GABRB1: variants seen among roughly 807,000 people sequenced by gnomAD.
GABRB1 encodes gamma-aminobutyric acid type A receptor subunit beta1.
In GABRB1, 17 loss-of-function variants were observed where a neutral mutation model predicts 51.6. The observed-to-expected ratio is 0.33, with a 90% CI of 0.23 to 0.49. GABRB1 has a LOEUF of 0.49. Ranked by LOEUF, GABRB1 falls within the 20% of genes least tolerant of loss-of-function variation. GABRB1 has a pLI of 0.99. For missense variants in GABRB1, 410 were observed against 600.6 expected (o/e 0.68, Z 3.32); for synonymous variants, 247 against 218.9 (o/e 1.13, Z -1.14).
chr4:47,145,820 A>C (rs543246817), intron 3 of GABRB1, among the ~76,000 whole-genome samples: 3 of 152,076 alleles, frequency 2.0e-5, no homozygotes, highest in Non-Finnish European at 4.4e-5. Context: ...AGGCTGACTC[A>C]TTCATAGATA....
intron 3 of GABRB1, among the ~76,000 whole-genome samples, chr4:47,155,754 A>G (rs1239385282): frequency 6.6e-6 from 1 of 151,712 alleles, no homozygotes; most frequent in Non-Finnish European, 1.5e-5. Context: ...TTCTTATGGT[A>G]AAATAGCAAA....
At chr4:47,320,763 C>CTTTTTTTTTTT (rs1264288318) in intron 5 of GABRB1, among the ~76,000 whole-genome samples, 1 of 113,314 alleles carries the variant, frequency 8.8e-6, no homozygotes, top group African/African-American at 3.1e-5. Flanking sequence ...GTTTTCTTTT[C>CTTTTTTTTTTT]TTTTTTCTTT....
chr4:47,150,864 T>C (rs1245835613), intron 3 of GABRB1, among the ~76,000 whole-genome samples: 1 of 151,978 alleles, frequency 6.6e-6, no homozygotes, highest in African/African-American at 2.4e-5. Context: ...TTATTGTTTT[T>C]TAAGTAGAAG....
At chr4:47,263,970 C>CA (rs933457782) in intron 4 of GABRB1, among the ~76,000 whole-genome samples, 10 of 140,894 alleles carry the variant, frequency 7.1e-5, no homozygotes, top group Admixed American at 1.4e-4. Flanking sequence ...TTCACTTCTA[C>CA]AAAAAAAATA....
intron 7 of GABRB1, 94 bp from the exon 8 acceptor site, chr4:47,406,588 A>G: frequency 6.7e-7 from 1 of 1,494,064 alleles, no homozygotes; most frequent in Non-Finnish European, 9.2e-7. Context: ...AGGGGCACCA[A>G]TAAGGAAGTG....
At chr4:47,104,313 G>A (rs1714853451) in intron 3 of GABRB1, among the ~76,000 whole-genome samples, 2 of 151,592 alleles carry the variant, frequency 1.3e-5, no homozygotes, top group South Asian at 4.2e-4. Flanking sequence ...TCTGCCTTAA[G>A]GATTTTGTAT....
intron 3 of GABRB1, among the ~76,000 whole-genome samples, chr4:47,122,548 T>C (rs75990163): frequency 0.01 from 1,581 of 152,210 alleles, 37 homozygotes; most frequent in East Asian, 0.055. Flanking sequence ...ACTACTCTCA[T>C]GGTAAAATAA....
intron 3 of GABRB1, among the ~76,000 whole-genome samples, chr4:47,120,779 G>A (rs1715741555): frequency 6.6e-6 from 1 of 152,186 alleles, no homozygotes; most frequent in South Asian, 2.1e-4. Context: ...CCAGGAGCTA[G>A]GGTCTGCAGT....
At chr4:47,125,062 CAG>C (rs1716054355) in intron 3 of GABRB1, among the ~76,000 whole-genome samples, 1 of 152,048 alleles carries the variant, frequency 6.6e-6, no homozygotes, top group Non-Finnish European at 1.5e-5. Context: ...GAATTAAAGA[CAG>C]ATAATTTTGA....
In GABRB1 at chr4:47,388,506, A is replaced by T. The variant is rs569568025; in HGVS notation, c.545-14812A>T. The stretch of plus-strand genomic sequence containing the variant: ...TGGGGCTTTCCAGAGGATGCTAAAG[A>T]AATCAGAAAACATGGTTGGATTCTA... On this transcript the variant is annotated intron_variant, in intron 5 of 8. Transcript: ENST00000295454. Among the ~76,000 whole-genome samples, 7 of 152,326 alleles carry T rather than the reference A, an allele frequency of 4.6e-5. No homozygotes were observed. In the South Asian group the frequency reaches 1.2e-3, roughly 27 times the overall value.
At chr4:47,277,173 T>A (rs1423300308) in intron 4 of GABRB1, among the ~76,000 whole-genome samples, 1 of 152,126 alleles carries the variant, frequency 6.6e-6, no homozygotes, top group Non-Finnish European at 1.5e-5. Context: ...GGAGTACTAT[T>A]CAGCCATAAA....
chr4:47,389,408 A>G (rs1727909814), intron 5 of GABRB1, among the ~76,000 whole-genome samples: 2 of 152,210 alleles, frequency 1.3e-5, no homozygotes, highest in African/African-American at 4.8e-5. Flanking sequence ...TAGATTTATC[A>G]TGCCTTGAAA....
intron 5 of GABRB1, among the ~76,000 whole-genome samples, chr4:47,378,283 C>A (rs1337122699): frequency 6.6e-6 from 1 of 152,226 alleles, no homozygotes; most frequent in African/African-American, 2.4e-5. Flanking sequence ...CCCTCCGCAG[C>A]CGCTGGCCTA....
chr4:47,229,339 G>A (rs192336453), intron 4 of GABRB1, among the ~76,000 whole-genome samples: 5 of 152,218 alleles, frequency 3.3e-5, no homozygotes, highest in South Asian at 2.1e-4. Flanking sequence ...GTATGACAAC[G>A]AAAGATAATA....
intron 3 of GABRB1, among the ~76,000 whole-genome samples, chr4:47,039,283 G>T (rs78467199): frequency 0.034 from 5,011 of 147,146 alleles, 309 homozygotes; most frequent in East Asian, 0.15. Flanking sequence ...AAAATCTGTT[G>T]TTGCATTGTG....
rs750413197 is a variant in GABRB1 at position 47,280,814 on chromosome 4, A to ATTT, written c.462-39291_462-39289dup. On this transcript the variant is annotated intron_variant, in intron 4 of 8. Transcript: ENST00000295454. The stretch of plus-strand genomic sequence containing the variant: ...AGGTGTGTGCCACCATGTCTGGCTA[A>ATTT]TTTTTTTTTTTTTTTTTTTTTTTTA... 8.3e-3 allele frequency among the ~76,000 whole-genome samples: 1,038 copies of ATTT among 124,934 alleles called. 7 individuals carry two copies. The highest frequency in any genetic ancestry group is 0.046 in the Middle Eastern group (11 of 240). The allele number at this position is 124,934 out of a possible 152,430, so 82.0% of individuals were successfully genotyped here.
chr4:47,310,988 G>A (rs1408922110), intron 4 of GABRB1, among the ~76,000 whole-genome samples: 2 of 139,768 alleles, frequency 1.4e-5, no homozygotes, highest in Admixed American at 1.5e-4. Flanking sequence ...TTGAACCTGG[G>A]AGGCAGAGGT....
At chr4:47,400,546 C>CTCTCTCTCTCTCTCTCTCTCTCTCTCTT (rs10684391) in intron 5 of GABRB1, among the ~76,000 whole-genome samples, 2 of 150,742 alleles carry the variant, frequency 1.3e-5, no homozygotes, top group Non-Finnish European at 3.0e-5. Flanking sequence ...CTCTCTCTCT[C>CTCTCTCTCTCTCTCTCTCTCTCTCTCTT]TCTCTCTCAG....
chr4:47,244,802 C>G (rs1029701706), intron 4 of GABRB1, among the ~76,000 whole-genome samples: 1 of 152,122 alleles, frequency 6.6e-6, no homozygotes, highest in Non-Finnish European at 1.5e-5. Context: ...CCAATGAGAA[C>G]AAGGACACAA....
Sources: gnomAD v4.1 joint callset for allele counts (sites outside exome capture counted in the v4.1 genomes callset) on GRCh38, gnomAD v4.1.1 for gene constraint, MANE v1.5 for transcripts, NCBI Gene and HGNC (gene_info 2026-07-23, HGNC 2026-07-21) for gene names.